The following ECD variants were observed in gnomAD, a reference collection of about 807,000 sequenced individuals.
ECD encodes the protein ecdysoneless cell cycle regulator.
A neutral mutation model predicts 77.2 loss-of-function variants in ECD; 59 were observed. The ratio of observed to expected loss-of-function variants is 0.76; its 90% CI spans 0.62 to 0.95. The LOEUF (loss-of-function observed/expected upper bound fraction) is 0.95. Among genes scored for constraint, ECD ranks in the 40% least tolerant of loss-of-function variants. The pLI, the probability that ECD is intolerant of heterozygous loss-of-function variation, is 0.00. For synonymous variants in ECD, 233 were observed against 267.4 expected (o/e 0.87, Z 1.26); for missense variants, 704 against 763.4 (o/e 0.92, Z 0.92).
chr10:73,147,761 G>T (rs1173465935), intron 8 of ECD, among the ~76,000 whole-genome samples: 1 of 151,970 alleles, frequency 6.6e-6, no homozygotes, highest in Non-Finnish European at 1.5e-5. Context: ...GATTCTACCA[G>T]TTTGCAATGT....
At position 73,139,368 on chromosome 10, in the gene ECD, T is replaced by C. The variant is rs1433470067; in HGVS notation, c.1362A>G (p.Ser454=). 5 of 1,614,088 alleles carry C rather than the reference T, an allele frequency of 3.1e-6. No individual in the cohort carries two copies. Among genetic ancestry groups the C allele is most frequent in the Non-Finnish European group, 4.2e-6 (5 of 1,180,052 alleles). The change falls in exon 11 of 14, where the codon TCA becomes TCG. Residue 454 remains serine (S), a synonymous_variant. Transcript: ENST00000372979. ...TGGATATGAAAGCTTTCATGCTCTC[T>C]GAGACTTCAGTTAAGTCATAGTTCT... ...KEQNYDLTEV[S]ESMKAFISKV...
At chr10:73,138,707 T>C (rs113418133) in intron 11 of ECD, among the ~76,000 whole-genome samples, 23,900 of 152,044 alleles carry the variant, frequency 0.16, 3,120 homozygotes, top group African/African-American at 0.33. Flanking sequence ...GCTGGGATTA[T>C]AGGCGTGCGC....
chr10:73,165,233 A>G (rs901990252), intron 1 of ECD, among the ~76,000 whole-genome samples: 4 of 152,220 alleles, frequency 2.6e-5, no homozygotes, highest in Non-Finnish European at 5.9e-5. Context: ...TATGGCGTAG[A>G]GGAATTCAGA....
intron 9 of ECD, 21 bp downstream of exon 9, chr10:73,146,255 G>T (rs757506333): frequency 8.0e-5 from 111 of 1,387,660 alleles, no homozygotes; most frequent in Non-Finnish European, 1.3e-5. Context: ...CTTTGTAGTA[G>T]GAGTCTTAAC....
chr10:73,146,724 C>A (rs1381507233), intron 8 of ECD, among the ~76,000 whole-genome samples: 8 of 151,958 alleles, frequency 5.3e-5, no homozygotes, highest in Admixed American at 5.2e-4. Flanking sequence ...ACTGCTTGAG[C>A]TCAGGAGTTC....
Position 73,134,693 on chromosome 10 carries a change from TA to T in ECD, c.1824del (p.Tyr608Ter). ...LNLVSNILES[Y>X]SSQAGLAGPA... ...GGTCCTGCCAGTCCAGCTTGGGAGC[TA>T]TAGGATTCCAATATATTTGAAACCA... is the stretch of plus-strand genomic sequence containing the variant. On this transcript the variant is annotated frameshift_variant, in exon 14 of 14. Transcript: ENST00000372979. LOFTEE classifies it high-confidence loss of function. 6.2e-7 allele frequency: 1 copy of T among 1,614,220 alleles called. No homozygotes were observed. The highest frequency in any genetic ancestry group is 8.5e-7 in the Non-Finnish European group (1 of 1,180,040).
At chr10:73,159,098 A>G (rs560873551) in intron 3 of ECD, among the ~76,000 whole-genome samples, 3 of 152,342 alleles carry the variant, frequency 2.0e-5, no homozygotes, top group African/African-American at 7.2e-5. Flanking sequence ...TATGTTTAAA[A>G]TTTAAATAAT....
intron 8 of ECD, among the ~76,000 whole-genome samples, chr10:73,146,789 A>G (rs6480672): frequency 0.16 from 23,899 of 151,978 alleles, 3,130 homozygotes; most frequent in African/African-American, 0.34. Context: ...AAAAAATTAA[A>G]TTAAAGATAT....
intron 1 of ECD, 104 bp from the exon 2 acceptor site, chr10:73,164,054 G>C: frequency 1.0e-6 from 1 of 1,001,310 alleles, no homozygotes; most frequent in East Asian, 2.5e-5. Context: ...AATTTAGTTA[G>C]GCCGGGCACA....
chr10:73,153,678 A>T (rs1216338932), intron 6 of ECD, among the ~76,000 whole-genome samples: 3 of 141,276 alleles, frequency 2.1e-5, no homozygotes, highest in Non-Finnish European at 4.6e-5. Context: ...GTGAGCTGAG[A>T]TGGCTCCACT....
chr10:73,160,638 T>C (rs1843363489), intron 2 of ECD, 87 bp from the exon 3 acceptor site: 1 of 940,562 alleles, frequency 1.1e-6, no homozygotes, highest in Non-Finnish European at 1.6e-6. Flanking sequence ...GAATACACAT[T>C]CATTGACTGA....
chr10:73,145,037 G>T (rs1843105533), intron 9 of ECD, among the ~76,000 whole-genome samples: 1 of 152,072 alleles, frequency 6.6e-6, no homozygotes, highest in Non-Finnish European at 1.5e-5. Context: ...CCATAAATAT[G>T]TACAACTAGT....
chr10:73,155,970 A>G (rs1017862284), intron 5 of ECD, among the ~76,000 whole-genome samples: 9 of 152,098 alleles, frequency 5.9e-5, no homozygotes, highest in Admixed American at 5.9e-4. Context: ...CTTAGCCACA[A>G]TATCTAAGGT....
rs774499265 is a variant in ECD at position 73,163,862 on chromosome 10, T to C, written c.76A>G (p.Arg26Gly). Residue 26 changes from arginine to glycine, a missense_variant, in exon 2 of 14, where the codon AGG becomes GGG. Physicochemically the swap from Arg to Gly is moderately radical, Grantham distance 125 (BLOSUM62 -2). Coordinates refer to ENST00000372979, the MANE Select transcript of ECD (RefSeq NM_007265.3). ...YCLFLIPDES[R>G]DSDKHKEILQ... ...ATCTCTTTATGTTTATCTGAGTCCC[T>C]TGACTCATCTGGTATCAGGAACAGG... 1 of 1,614,128 alleles carries C rather than the reference T, an allele frequency of 6.2e-7. No individual in the cohort carries two copies. Among genetic ancestry groups the C allele is most frequent in the Non-Finnish European group, 8.5e-7 (1 of 1,179,958 alleles).
At chr10:73,151,056 G>A (rs1254611953) in intron 7 of ECD, among the ~76,000 whole-genome samples, 1 of 152,078 alleles carries the variant, frequency 6.6e-6, no homozygotes, top group African/African-American at 2.4e-5. Flanking sequence ...AAATCATGCT[G>A]CTATAAAGAC....
At chr10:73,151,988 T>C (rs1182648517) in intron 7 of ECD, among the ~76,000 whole-genome samples, 2 of 152,306 alleles carry the variant, frequency 1.3e-5, no homozygotes, top group African/African-American at 2.4e-5. Flanking sequence ...ATTCAAATTA[T>C]AAAAGGTTCT....
chr10:73,148,685 A>G (rs888277256), intron 7 of ECD, among the ~76,000 whole-genome samples: 42 of 152,316 alleles, frequency 2.8e-4, no homozygotes, highest in African/African-American at 1.0e-3. Flanking sequence ...TGATTACAAA[A>G]CCAGAAATTT....
intron 2 of ECD, among the ~76,000 whole-genome samples, chr10:73,160,807 A>G (rs574895567): frequency 4.6e-5 from 7 of 152,294 alleles, no homozygotes; most frequent in African/African-American, 1.4e-4. Flanking sequence ...AAAGGAGGGG[A>G]TATCTGTGCT....
chr10:73,134,839 T>C lies in ECD; in HGVS notation c.1705-26A>G, dbSNP rs79915641. ...CTTATTCATAGAGGGAAAAGAAAAT[T>C]ATGGGCTAATGTATCATTAGGTTGC... is the stretch of plus-strand genomic sequence containing the variant. On this transcript the variant is annotated intron_variant, in intron 13 of 13. Transcript: ENST00000372979. 112 of 1,589,878 alleles carry C rather than the reference T, an allele frequency of 7.0e-5. No homozygotes were observed. In the East Asian group the frequency reaches 2.3e-3, roughly 33 times the overall value.
Sources: gnomAD v4.1 joint callset for allele counts (sites outside exome capture counted in the v4.1 genomes callset) on GRCh38, gnomAD v4.1.1 for gene constraint, MANE v1.5 for transcripts, NCBI Gene and HGNC (gene_info 2026-07-23, HGNC 2026-07-21) for gene names.